IL1RAPL1: variants seen among roughly 807,000 people sequenced by gnomAD.
IL1RAPL1 encodes the protein interleukin-1 receptor accessory protein-like 1.
IL1RAPL1 carries 3 observed loss-of-function variants against 48.4 expected under a neutral mutation model. The ratio of observed to expected loss-of-function variants is 0.06; its 90% CI spans 0.03 to 0.16. The LOEUF (loss-of-function observed/expected upper bound fraction) is 0.16. Among genes scored for constraint, IL1RAPL1 ranks in the 10% least tolerant of loss-of-function variants. IL1RAPL1 has a pLI of 1.00. For synonymous variants in IL1RAPL1, 185 were observed against 187.7 expected, an observed-to-expected ratio of 0.99 and a Z score of 0.12; for missense variants, 349 against 530.6, an observed-to-expected ratio of 0.66 and a Z score of 3.36.
chrX:29,257,489 G>C (rs1014160073), intron 2 of IL1RAPL1, among the ~76,000 whole-genome samples: 1 of 111,609 alleles, frequency 9.0e-6, no homozygotes, highest in Non-Finnish European at 1.9e-5. Context: ...TTGAATTCCA[G>C]AAGGTAGGAA....
intron 2 of IL1RAPL1, among the ~76,000 whole-genome samples, chrX:29,069,813 T>A (rs1219150950): frequency 6.3e-5 from 7 of 111,917 alleles, no homozygotes; most frequent in African/African-American, 2.3e-4. Context: ...ACTTGTAAGA[T>A]TGTTCTCCTT....
At chrX:29,439,851 G>GTTT (rs760458968) in intron 5 of IL1RAPL1, among the ~76,000 whole-genome samples, 30,139 of 59,191 alleles carry the variant, frequency 0.51, 8,052 homozygotes, top group East Asian at 0.69. Context: ...TGTTTGTTTG[G>GTTT]TTTTTTTTTT....
intron 2 of IL1RAPL1, among the ~76,000 whole-genome samples, chrX:28,958,942 C>T (rs1395731581): frequency 9.0e-6 from 1 of 111,306 alleles, no homozygotes; most frequent in East Asian, 2.8e-4. Flanking sequence ...TGTTTACTGT[C>T]ATTTTTCTTT....
At chrX:29,638,646 A>T (rs886789409) in intron 5 of IL1RAPL1, among the ~76,000 whole-genome samples, 6 of 111,921 alleles carry the variant, frequency 5.4e-5, no homozygotes, top group African/African-American at 2.0e-4. Flanking sequence ...TTGCAAATAC[A>T]TATGGTGGAT....
At chrX:29,902,774 T>A (rs1932520402) in intron 6 of IL1RAPL1, among the ~76,000 whole-genome samples, 1 of 111,614 alleles carries the variant, frequency 9.0e-6, no homozygotes, top group African/African-American at 3.3e-5. Context: ...AATCTATTGA[T>A]CAAACAATTG....
chrX:29,023,123 T>C (rs764684136), intron 2 of IL1RAPL1, among the ~76,000 whole-genome samples: 5 of 112,185 alleles, frequency 4.5e-5, no homozygotes, highest in African/African-American at 1.6e-4. Flanking sequence ...CTTTAATCAT[T>C]TGTCAAGATG....
intron 5 of IL1RAPL1, among the ~76,000 whole-genome samples, chrX:29,616,886 A>G (rs901777719): frequency 1.9e-4 from 21 of 111,173 alleles, no homozygotes; most frequent in Non-Finnish European, 3.0e-4. Flanking sequence ...TTATATCTCT[A>G]TTATCAGTTT....
chrX:29,155,370 C>G (rs918829843), intron 2 of IL1RAPL1, among the ~76,000 whole-genome samples: 6 of 111,885 alleles, frequency 5.4e-5, no homozygotes, highest in African/African-American at 1.9e-4. Context: ...AGTTGAAATA[C>G]ATTGAATGAG....
chrX:28,779,589 A>G (rs1165341286), intron 1 of IL1RAPL1, among the ~76,000 whole-genome samples: 1 of 96,395 alleles, frequency 1.0e-5, no homozygotes, highest in Non-Finnish European at 2.1e-5. Flanking sequence ...ATACTTGTAT[A>G]TATTTATCAG....
chrX:29,236,050 G>A (rs770575518), intron 2 of IL1RAPL1, among the ~76,000 whole-genome samples: 7 of 111,957 alleles, frequency 6.3e-5, no homozygotes, highest in Non-Finnish European at 1.1e-4. Context: ...TGGAAATATC[G>A]GTCAAATCAT....
intron 2 of IL1RAPL1, among the ~76,000 whole-genome samples, chrX:28,966,669 C>T (rs1924928481): frequency 8.9e-6 from 1 of 111,754 alleles, no homozygotes; most frequent in Non-Finnish European, 1.9e-5. Context: ...TATCTTTATA[C>T]AGCTGTAGAT....
chrX:29,333,644 C>T (rs1160573395), intron 3 of IL1RAPL1, among the ~76,000 whole-genome samples: 6 of 84,151 alleles, frequency 7.1e-5, no homozygotes, highest in Non-Finnish European at 9.4e-5. Flanking sequence ...CCTCACTTCC[C>T]AGTAGGGGCG....
chrX:28,999,939 G>A, intron 2 of IL1RAPL1, among the ~76,000 whole-genome samples: 1 of 111,465 alleles, frequency 9.0e-6, no homozygotes, highest in Non-Finnish European at 1.9e-5. Context: ...TAAAGTTCCA[G>A]CAATCCCACA....
chrX:28,980,488 A>G (rs953777243), intron 2 of IL1RAPL1, among the ~76,000 whole-genome samples: 1 of 112,057 alleles, frequency 8.9e-6, no homozygotes, highest in Non-Finnish European at 1.9e-5. Context: ...TCTTTTGTCA[A>G]ACATGTATAA....
intron 1 of IL1RAPL1, among the ~76,000 whole-genome samples, chrX:28,640,507 G>A (rs1438038942): frequency 9.2e-6 from 1 of 108,816 alleles, no homozygotes. Flanking sequence ...CACCACACCC[G>A]GCTAATTTTT....
At chrX:29,044,093 A>T (rs1012462818) in intron 2 of IL1RAPL1, among the ~76,000 whole-genome samples, 7 of 110,988 alleles carry the variant, frequency 6.3e-5, no homozygotes, top group Non-Finnish European at 7.6e-5. Context: ...TTTGAAGGAA[A>T]TTTTTTTTTA....
At chrX:29,899,221 T>G (rs1240466916) in intron 6 of IL1RAPL1, among the ~76,000 whole-genome samples, 1 of 110,688 alleles carries the variant, frequency 9.0e-6, no homozygotes, top group East Asian at 2.8e-4. Flanking sequence ...GAAAGTCAGA[T>G]TGGGAACTCC....
intron 6 of IL1RAPL1, among the ~76,000 whole-genome samples, chrX:29,859,366 A>G (rs1931534095): frequency 8.9e-6 from 1 of 111,745 alleles, no homozygotes; most frequent in Admixed American, 9.5e-5. Flanking sequence ...TAGCCAATCT[A>G]CCACCAAGTA....
intron 5 of IL1RAPL1, among the ~76,000 whole-genome samples, chrX:29,629,837 G>A (rs1395060287): frequency 1.8e-5 from 2 of 111,716 alleles, no homozygotes; most frequent in East Asian, 5.6e-4. Flanking sequence ...TCCTAGCTTG[G>A]GTGGCCATCC....
Sources: allele counts gnomAD v4.1 joint callset (sites outside exome capture counted in the v4.1 genomes callset), GRCh38; gene constraint gnomAD v4.1.1; transcripts MANE v1.5; gene names NCBI Gene and HGNC (gene_info 2026-07-23, HGNC 2026-07-21).